RUNX3: variants seen among roughly 807,000 people sequenced by gnomAD.
RUNX3 encodes RUNX family transcription factor 3.
In RUNX3, 10 loss-of-function variants were observed where a neutral mutation model predicts 27.7. The ratio of observed to expected loss-of-function variants is 0.36; its 90% CI spans 0.22 to 0.61. The LOEUF is 0.61. Ranked by LOEUF, RUNX3 falls within the 20% of genes least tolerant of loss-of-function variation. RUNX3 has a pLI of 0.72. For synonymous variants in RUNX3, 270 were observed against 269.2 expected, an observed-to-expected ratio of 1.00 and a Z score of -0.03; for missense variants, 469 against 629.5, an observed-to-expected ratio of 0.75 and a Z score of 2.73.
chr1:24,929,751 C>A lies in RUNX3; in HGVS notation c.118G>T (p.Ala40Ser). The change falls in exon 1 of 5, where the codon GCG becomes TCG. Residue 40 changes from alanine to serine, a missense_variant. This residue lies in a region of RUNX3 where 115 missense variants were observed against 118.0 expected (regional missense o/e 0.97). Coordinates refer to ENST00000308873, the MANE Select transcript of RUNX3 (RefSeq NM_004350.3). Reference sequence around the variant, plus strand: ...GCGCGCCCTCCGGGCCCCACGGCCGCCTGCGCGCTCAGCGCGCCGCTGTTC... The same window carrying A: ...GCGCGCCCTCCGGGCCCCACGGCCGACTGCGCGCTCAGCGCGCCGCTGTTC... ...GENSGALSAQ[A>S]AVGPGGRARP... 1.4e-6 allele frequency: 2 copies of A among 1,468,592 alleles called. No individual in the cohort carries two copies. Among genetic ancestry groups the A allele is most frequent in the South Asian group, 1.3e-5 (1 of 75,132 alleles). The allele number at this position is 1,468,592 out of a possible 1,614,324, so 91.0% of individuals were successfully genotyped here.
chr1:24,915,144 C>T lies in RUNX3; in HGVS notation c.544+4096G>A, dbSNP rs534629414. Reference sequence around the variant, plus strand: ...CTTGTAGAGCATAAACAACAGGGGGCCGGGTGCGGTGGCTCACGCCTGTAG... The same window carrying T: ...CTTGTAGAGCATAAACAACAGGGGGTCGGGTGCGGTGGCTCACGCCTGTAG... On this transcript the variant is annotated intron_variant, in intron 3 of 4. Coordinates refer to ENST00000308873, the MANE Select transcript of RUNX3 (RefSeq NM_004350.3). Among the ~76,000 whole-genome samples the T allele has an allele frequency of 3.6e-4, 55 of 152,300 alleles. 1 individual carries two copies. In the South Asian group the frequency reaches 0.011, roughly 30 times the overall value.
chr1:24,907,378 G>C lies in RUNX3; in HGVS notation c.584C>G (p.Pro195Arg). 6.2e-7 allele frequency: 1 copy of C among 1,613,956 alleles called. No homozygotes were observed. Among genetic ancestry groups the C allele is most frequent in the East Asian group, 2.2e-5 (1 of 44,878 alleles). The change falls in exon 4 of 5, where the codon CCT (proline) becomes CGT (arginine). Residue 195 changes from proline to arginine, a missense_variant. This residue lies in a region of RUNX3 where 279 missense variants were observed against 343.0 expected (regional missense o/e 0.81). Transcript: ENST00000308873. The stretch of plus-strand genomic sequence containing the variant: ...CCGTTCCAGGTCCCCAAAGCGGTCA[G>C]GGAACGGCTTGGTCTGGTCCTCCAG... ...QKLEDQTKPF[P>R]DRFGDLERLR...
Position 24,927,517 on chromosome 1 carries a change from T to C in RUNX3, c.439+57A>G. 1.3e-6 allele frequency: 2 copies of C among 1,581,372 alleles called. No individual in the cohort carries two copies. The highest frequency in any genetic ancestry group is 1.7e-6 in the Non-Finnish European group (2 of 1,151,300). On this transcript the variant is annotated intron_variant, in intron 2 of 4. Transcript: ENST00000308873. This position sits in a 1 kb window ranked among gnomAD's most constrained non-coding sequence, Gnocchi z 5.0. ...TCTAAGGCCCCTCTTTCAACCTCCT[T>C]CCCTGCTGCCCCTGCCATTGCCAAT... is the stretch of plus-strand genomic sequence containing the variant.
At chr1:24,912,571 G>C (rs1640816178) in intron 3 of RUNX3, among the ~76,000 whole-genome samples, 1 of 152,044 alleles carries the variant, frequency 6.6e-6, no homozygotes, top group Non-Finnish European at 1.5e-5. Flanking sequence ...AGCAGGAGTG[G>C]AAATCATCAA....
intron 2 of RUNX3, among the ~76,000 whole-genome samples, chr1:24,951,215 A>AAT (rs1641755420): frequency 6.6e-6 from 1 of 150,870 alleles, no homozygotes; most frequent in South Asian, 2.1e-4. Flanking sequence ...AAAAAAAAAA[A>AAT]AAAAAAAATA....
intron 3 of RUNX3, among the ~76,000 whole-genome samples, chr1:24,909,910 C>G (rs989685710): frequency 2.0e-5 from 3 of 152,210 alleles, no homozygotes; most frequent in African/African-American, 7.2e-5. Flanking sequence ...AGTAAGAGAA[C>G]TGCAACTGCG....
At chr1:24,909,824 C>T (rs375354498) in intron 3 of RUNX3, among the ~76,000 whole-genome samples, 11 of 152,356 alleles carry the variant, frequency 7.2e-5, no homozygotes, top group African/African-American at 2.4e-4. Context: ...AACCCTAACA[C>T]GGTCACGGCC....
intron 2 of RUNX3, among the ~76,000 whole-genome samples, chr1:24,957,470 C>T (rs775514895): frequency 6.6e-6 from 1 of 152,182 alleles, no homozygotes; most frequent in Non-Finnish European, 1.5e-5. Context: ...ACCCTTTGGA[C>T]ACCTGTGGGG....
chr1:24,919,297 C>G lies in RUNX3; in HGVS notation c.487G>C (p.Val163Leu). 1 of 1,606,284 alleles carries G rather than the reference C, an allele frequency of 6.2e-7. No individual in the cohort carries two copies. Among genetic ancestry groups the G allele is most frequent in the Non-Finnish European group, 8.5e-7 (1 of 1,176,848 alleles). ...TTGATGGCTCGGTGGTAGGTCGCCACTTGGGTGGGGTTGGTGAACACAGTG... is the reference window on the plus strand; with the variant it reads ...TTGATGGCTCGGTGGTAGGTCGCCAGTTGGGTGGGGTTGGTGAACACAGTG... ...TITVFTNPTQ[V>L]ATYHRAIKVT... Residue 163 changes from valine (V) to leucine (L), a missense_variant, in exon 3 of 5, where the codon GTG becomes CTG. This residue lies in a region of RUNX3 where 75 missense variants were observed against 168.5 expected (regional missense o/e 0.45). Transcript: ENST00000308873.
At chr1:24,930,311 C>A, upstream of RUNX3, 1 of 790,418 alleles carries the variant, frequency 1.3e-6, no homozygotes, top group Non-Finnish European at 1.5e-6. The surrounding 1 kb of genome is among the most constrained non-coding windows in gnomAD (Gnocchi z 4.1). Flanking sequence ...TTAGTACCCC[C>A]GGGGCCCGCG....
chr1:24,911,842 A>C (rs1390069551), intron 3 of RUNX3, among the ~76,000 whole-genome samples: 2 of 152,150 alleles, frequency 1.3e-5, no homozygotes, highest in Non-Finnish European at 2.9e-5. Context: ...TGGGTCAGGT[A>C]ATCTGACCCC....
intron 2 of RUNX3, among the ~76,000 whole-genome samples, chr1:24,926,520 G>C (rs572480503): frequency 4.6e-5 from 7 of 152,342 alleles, no homozygotes; most frequent in Admixed American, 1.3e-4. Flanking sequence ...ATGCTGAAAA[G>C]TCAAAATATG....
At chr1:24,954,455 A>G (rs1189853370) in intron 2 of RUNX3, among the ~76,000 whole-genome samples, 5 of 152,248 alleles carry the variant, frequency 3.3e-5, no homozygotes, top group Non-Finnish European at 1.5e-5. Flanking sequence ...AAAGGCAGAC[A>G]GAGGCTTATT....
chr1:24,936,609 C>T (rs1641354896), intron 2 of RUNX3, among the ~76,000 whole-genome samples: 1 of 152,188 alleles, frequency 6.6e-6, no homozygotes, highest in African/African-American at 2.4e-5. Flanking sequence ...ACAGCCAGTG[C>T]CAGGGACAGA....
chr1:24,950,515 T>G (rs767711684), intron 2 of RUNX3, among the ~76,000 whole-genome samples: 9 of 152,190 alleles, frequency 5.9e-5, no homozygotes, highest in Non-Finnish European at 2.9e-5. Context: ...ATCCAGCATT[T>G]CAATATGGCA....
upstream of RUNX3, chr1:24,930,400 G>T (rs1641198835): frequency 1.8e-5 from 4 of 218,002 alleles, no homozygotes. This position sits in a 1 kb window ranked among gnomAD's most constrained non-coding sequence, Gnocchi z 4.1. Context: ...GCGTTCGCGG[G>T]GAGGAACGGG....
At position 24,920,366 on chromosome 1, in the gene RUNX3, G is replaced by A. The variant is rs555949581; in HGVS notation, c.440-1022C>T. ...GAGGGTTGGGACATATTACGGGCGC[G>A]GATCCCTCTTGGAGTGAGATGACTC... On this transcript the variant is annotated intron_variant, in intron 2 of 4. Transcript: ENST00000308873. 9.2e-5 allele frequency among the ~76,000 whole-genome samples: 14 copies of A among 152,190 alleles called. 1 individual carries two copies. Among genetic ancestry groups the A allele is most frequent in the African/African-American group, 3.4e-4 (14 of 41,514 alleles).
upstream of RUNX3, among the ~76,000 whole-genome samples, chr1:24,932,925 A>G (rs1466758729): frequency 1.3e-5 from 2 of 152,156 alleles, no homozygotes; most frequent in Non-Finnish European, 2.9e-5. Context: ...GAAGGTCAGG[A>G]CACTCCCCTA....
chr1:24,930,406 A>C, upstream of RUNX3: 1 of 207,664 alleles, frequency 4.8e-6, no homozygotes, highest in Non-Finnish European at 8.4e-6. The surrounding 1 kb of genome is among the most constrained non-coding windows in gnomAD (Gnocchi z 4.1). Flanking sequence ...GCGGGGAGGA[A>C]CGGGGCCTGC....
Sources: allele counts gnomAD v4.1 joint callset (sites outside exome capture counted in the v4.1 genomes callset), GRCh38; gene constraint gnomAD v4.1.1; regional missense constraint gnomAD v4.1.1; non-coding constraint Gnocchi (gnomAD v3.1); transcripts MANE v1.5; gene names NCBI Gene and HGNC (gene_info 2026-07-23, HGNC 2026-07-21).